FMNL2: variants seen among roughly 807,000 people sequenced by gnomAD.
FMNL2 encodes formin like 2.
A neutral mutation model predicts 130.2 loss-of-function variants in FMNL2; 51 were observed. That is an observed-to-expected ratio of 0.39 (90% CI 0.31 to 0.49). FMNL2 has a LOEUF of 0.49. Ranked by LOEUF, FMNL2 falls within the 20% of genes least tolerant of loss-of-function variation. The pLI, the probability that FMNL2 is intolerant of heterozygous loss-of-function variation, is 0.85. For synonymous variants in FMNL2, 465 were observed against 467.1 expected (o/e 1.00, Z 0.06); for missense variants, 977 against 1,316.2 (o/e 0.74, Z 3.99).
chr2:152,375,877 C>CTATATATATATATATATATATATA (rs61564333), intron 1 of FMNL2, among the ~76,000 whole-genome samples: 4 of 112,474 alleles, frequency 3.6e-5, no homozygotes, highest in Non-Finnish European at 5.1e-5. Context: ...CTCTCTCTCT[C>CTATATATATATATATATATATATA]TATATATATA....
chr2:152,575,296 A>G, intron 7 of FMNL2, 52 bp downstream of exon 7: 1 of 1,212,136 alleles, frequency 8.2e-7, no homozygotes, highest in South Asian at 1.3e-5. Context: ...AATCAGACTC[A>G]GAAATGACTG....
rs1174280165 is a variant in FMNL2, at chr2:152,647,787, C to G, written c.3170-9C>G. 2 of 1,613,560 alleles carry G rather than the reference C, an allele frequency of 1.2e-6. No individual in the cohort carries two copies. The highest frequency in any genetic ancestry group is 2.2e-5 in the South Asian group (2 of 91,082). ...TGCTATTCTCTCACTGGCACTCTCC[C>G]CTTTACAGATCTTAGAAACCAACCA... On this transcript the variant is annotated splice_polypyrimidine_tract_variant and intron_variant, in intron 25 of 25. Coordinates refer to ENST00000288670, the MANE Select transcript of FMNL2 (RefSeq NM_052905.4).
intron 1 of FMNL2, among the ~76,000 whole-genome samples, chr2:152,348,904 G>A (rs1459793932): frequency 2.2e-5 from 3 of 133,360 alleles, no homozygotes; most frequent in African/African-American, 8.9e-5. Flanking sequence ...GCACAATCTC[G>A]GCTCACTGCA....
chr2:152,602,937 G>A (rs1013683473), intron 9 of FMNL2, among the ~76,000 whole-genome samples: 2 of 152,222 alleles, frequency 1.3e-5, no homozygotes, highest in African/African-American at 2.4e-5. Context: ...CAGTGCGTGG[G>A]GGTGCTCCAG....
At chr2:152,546,170 C>T (rs759592714) in intron 3 of FMNL2, among the ~76,000 whole-genome samples, 2 of 152,102 alleles carry the variant, frequency 1.3e-5, no homozygotes, top group African/African-American at 2.4e-5. Context: ...AAGCAGAAGG[C>T]GGCATTAGGG....
At chr2:152,587,930 T>G (rs1697176070) in intron 9 of FMNL2, among the ~76,000 whole-genome samples, 1 of 152,238 alleles carries the variant, frequency 6.6e-6, no homozygotes, top group South Asian at 2.1e-4. Flanking sequence ...AATTGCAAGA[T>G]GCTCTGCAAA....
At chr2:152,602,144 T>A (rs1246493121) in intron 9 of FMNL2, among the ~76,000 whole-genome samples, 1 of 152,158 alleles carries the variant, frequency 6.6e-6, no homozygotes, top group East Asian at 1.9e-4. Flanking sequence ...CCCATCAGTC[T>A]TAGAGCTTGA....
At chr2:152,458,372 C>T (rs779566129) in intron 1 of FMNL2, among the ~76,000 whole-genome samples, 1 of 152,186 alleles carries the variant, frequency 6.6e-6, no homozygotes, top group African/African-American at 2.4e-5. Flanking sequence ...TAACTCTGTT[C>T]TGGTTGGATG....
At chr2:152,399,372 C>T (rs559487362) in intron 1 of FMNL2, among the ~76,000 whole-genome samples, 17 of 152,292 alleles carry the variant, frequency 1.1e-4, no homozygotes, top group African/African-American at 3.6e-4. Context: ...TTGTGAGCCC[C>T]GGATGGTCTC....
chr2:152,365,922 G>A (rs1683502142), intron 1 of FMNL2, among the ~76,000 whole-genome samples: 1 of 152,170 alleles, frequency 6.6e-6, no homozygotes, highest in South Asian at 2.1e-4. Context: ...ATCCTTGTTT[G>A]CATCAGGGAC....
In FMNL2 at chr2:152,628,605, C is replaced by A. The variant is rs571214241; in HGVS notation, c.2400+72C>A. The A allele has an allele frequency of 2.2e-5, 29 of 1,329,426 alleles. No individual in the cohort carries two copies. The South Asian group carries it at 3.3e-4, about 15-fold the overall frequency. 82.4% of individuals were successfully genotyped at this position (1,329,426 alleles called of 1,614,324 possible). ...AATCGTTATTTTTTAAAGTCTCTCCCAGAATCGTACTCAGTGTGATGGGTT... is the reference window on the plus strand; with the variant it reads ...AATCGTTATTTTTTAAAGTCTCTCCAAGAATCGTACTCAGTGTGATGGGTT... On this transcript the variant is annotated intron_variant, in intron 18 of 25. Coordinates refer to ENST00000288670, the MANE Select transcript of FMNL2 (RefSeq NM_052905.4).
chr2:152,394,738 C>A (rs569095605), intron 1 of FMNL2, among the ~76,000 whole-genome samples: 1 of 130,860 alleles, frequency 7.6e-6, no homozygotes, highest in Admixed American at 7.6e-5. Context: ...TTTTTTTTGG[C>A]CTTTGGAAGA....
intron 1 of FMNL2, among the ~76,000 whole-genome samples, chr2:152,494,221 T>C (rs910853454): frequency 1.3e-5 from 2 of 152,216 alleles, no homozygotes; most frequent in Non-Finnish European, 2.9e-5. Flanking sequence ...GAGCTTTTCC[T>C]TTTGTATGGA....
Position 152,397,742 on chromosome 2 carries a change from T to G in FMNL2, c.117+62022T>G, listed in dbSNP as rs541261957. Among the ~76,000 whole-genome samples the G allele has an allele frequency of 1.6e-3, 239 of 152,288 alleles. 1 individual carries two copies. The highest frequency in any genetic ancestry group is 2.9e-3 in the Non-Finnish European group (194 of 68,038). On this transcript the variant is annotated intron_variant, in intron 1 of 25. Coordinates refer to ENST00000288670, the MANE Select transcript of FMNL2 (RefSeq NM_052905.4). ...TCCATCAGGGTCAGGTCTTTCAAGA[T>G]AAGTGGACACAATACCACTGAATCT...
chr2:152,620,022 T>C (rs953488564), intron 15 of FMNL2, among the ~76,000 whole-genome samples: 28 of 151,748 alleles, frequency 1.8e-4, no homozygotes, highest in Non-Finnish European at 3.2e-4. Context: ...TGCTTGAGGA[T>C]CAGTGCATTT....
In FMNL2 at chr2:152,619,711, A is replaced by G. The variant is rs1317600272; in HGVS notation, c.1830A>G (p.Gly610=). The change falls in exon 15 of 26, where the codon GGA becomes GGG. Residue 610 remains glycine (G), a synonymous_variant. Coordinates refer to ENST00000288670, the MANE Select transcript of FMNL2 (RefSeq NM_052905.4). ...TSSPTVVFNS[G]LAAVKIKKPI... is the part of the protein sequence containing the mutation. ...CACCCACAGTGGTTTTCAACTCAGG[A>G]TTAGCAGGTAAGAGCACAGAATTCA... 1 of 1,610,950 alleles carries G rather than the reference A, an allele frequency of 6.2e-7. No homozygotes were observed. The highest frequency in any genetic ancestry group is 2.2e-5 in the East Asian group (1 of 44,822).
intron 7 of FMNL2, among the ~76,000 whole-genome samples, chr2:152,577,395 G>A (rs970824508): frequency 6.6e-6 from 1 of 152,172 alleles, no homozygotes; most frequent in Non-Finnish European, 1.5e-5. Context: ...ACATTCAAAT[G>A]GTGATCTTAG....
At chr2:152,603,365 C>A (rs961902852) in intron 9 of FMNL2, among the ~76,000 whole-genome samples, 2 of 148,222 alleles carry the variant, frequency 1.3e-5, no homozygotes, top group African/African-American at 5.0e-5. Flanking sequence ...TCGCCAAGTT[C>A]ATAGCAGCTG....
At chr2:152,336,092 A>AAAACAAAAC (rs1553861630) in intron 1 of FMNL2, among the ~76,000 whole-genome samples, 134 of 132,336 alleles carry the variant, frequency 1.0e-3, no homozygotes, top group East Asian at 7.9e-3. Flanking sequence ...TTTTTTTAAA[A>AAAACAAAAC]AAAACAAAAC....
Sources: gnomAD v4.1 joint callset for allele counts (sites outside exome capture counted in the v4.1 genomes callset) on GRCh38, gnomAD v4.1.1 for gene constraint, MANE v1.5 for transcripts, NCBI Gene and HGNC (gene_info 2026-07-23, HGNC 2026-07-21) for gene names.